Variants in PDE10A observed in about 807,000 individuals in gnomAD.
PDE10A encodes the protein phosphodiesterase 10A.
A neutral mutation model predicts 97.7 loss-of-function variants in PDE10A; 39 were observed. The observed-to-expected ratio is 0.40, with a 90% CI of 0.31 to 0.52. The LOEUF (loss-of-function observed/expected upper bound fraction) is 0.52. Ranked by LOEUF, PDE10A falls within the 20% of genes least tolerant of loss-of-function variation. The probability of loss-of-function intolerance (pLI) is 0.56; values close to 1 mark genes in which losing one functional copy is unlikely to be tolerated. For missense variants in PDE10A, 731 were observed against 1,047.8 expected (o/e 0.70, Z 4.17); for synonymous variants, 371 against 376.8 (o/e 0.98, Z 0.18).
chr6:165,848,613 T>G (rs1328303436), intron 1 of PDE10A, among the ~76,000 whole-genome samples: 1 of 151,406 alleles, frequency 6.6e-6, no homozygotes, highest in Non-Finnish European at 1.5e-5. Flanking sequence ...TGGGGGAGGG[T>G]GGTGATGCTC....
chr6:165,501,777 CT>C (rs1224669212), intron 2 of PDE10A, among the ~76,000 whole-genome samples: 1 of 152,152 alleles, frequency 6.6e-6, no homozygotes, highest in East Asian at 1.9e-4. Flanking sequence ...TCTCAACGGC[CT>C]TCTGTCGAAC....
At position 165,542,612 on chromosome 6, in the gene PDE10A, C is replaced by CTTTTTTTTTTTT. The variant is rs545149187; in HGVS notation, c.994+816_994+827dup. Among the ~76,000 whole-genome samples the CTTTTTTTTTTTT allele has an allele frequency of 4.8e-4, 37 of 76,448 alleles. 1 individual carries two copies. The highest frequency in any genetic ancestry group is 1.5e-3 in the African/African-American group (32 of 21,798). 50.2% of individuals were successfully genotyped at this position (76,448 alleles called of 152,430 possible). A position where few individuals can be genotyped will look rare whatever the true frequency, so the allele number is the denominator to read the frequency against. On this transcript the variant is annotated intron_variant, in intron 2 of 21. Coordinates refer to ENST00000539869, the MANE Select transcript of PDE10A (RefSeq NM_001385079.1). ...TTTAGGTCAAAAAGATGTCCTTGTTCTTTTTTTTTTTTTTTTTTTTTTTTT... is the reference window on the plus strand; with the variant it reads ...TTTAGGTCAAAAAGATGTCCTTGTTCTTTTTTTTTTTTTTTTTTTTTTTTTTTTTTTTTTTTT...
chr6:165,877,006 T>C (rs1781361366), intron 1 of PDE10A, among the ~76,000 whole-genome samples: 1 of 152,222 alleles, frequency 6.6e-6, no homozygotes, highest in South Asian at 2.1e-4. Flanking sequence ...AATTTATATT[T>C]GAAGTATCTG....
At chr6:165,910,208 C>T (rs919589668) in intron 1 of PDE10A, among the ~76,000 whole-genome samples, 6 of 152,016 alleles carry the variant, frequency 3.9e-5, no homozygotes, top group African/African-American at 7.2e-5. Flanking sequence ...GAGATGGGGC[C>T]GACCAGTGTT....
At chr6:165,632,194 C>T (rs1464298862) in intron 1 of PDE10A, among the ~76,000 whole-genome samples, 1 of 101,200 alleles carries the variant, frequency 9.9e-6, no homozygotes. Context: ...GAGGGAGAGT[C>T]CATCTCAAAA....
At chr6:165,372,501 C>T (rs1445352739) in intron 18 of PDE10A, among the ~76,000 whole-genome samples, 6 of 128,736 alleles carry the variant, frequency 4.7e-5, no homozygotes, top group African/African-American at 2.0e-4. Flanking sequence ...GAATAAAATA[C>T]CTAGGAATCC....
intron 5 of PDE10A, among the ~76,000 whole-genome samples, chr6:165,448,709 A>AACACACACACACAC (rs10645551): frequency 2.7e-4 from 40 of 147,486 alleles, no homozygotes; most frequent in African/African-American, 9.5e-4. Context: ...AGCCAAAGGA[A>AACACACACACACAC]ACACACACAC....
In PDE10A at chr6:165,385,747, T is replaced by G. The variant is rs56230902; in HGVS notation, c.2610+2551A>C. Reference sequence around the variant, plus strand: ...TTCCGAAGAGGAAGACACTCTTCCCTGAATGTTCCTGCCCATGTAGATTGG... The same window carrying G: ...TTCCGAAGAGGAAGACACTCTTCCCGGAATGTTCCTGCCCATGTAGATTGG... On this transcript the variant is annotated intron_variant, in intron 17 of 21. Transcript: ENST00000539869. Among the ~76,000 whole-genome samples, 1,277 of 152,340 alleles carry G rather than the reference T, an allele frequency of 8.4e-3. 11 individuals are homozygous for G. Among genetic ancestry groups the G allele is most frequent in the Middle Eastern group, 0.014 (4 of 294 alleles).
At chr6:165,411,952 A>C (rs1787880835) in intron 13 of PDE10A, among the ~76,000 whole-genome samples, 1 of 152,162 alleles carries the variant, frequency 6.6e-6, no homozygotes, top group African/African-American at 2.4e-5. Context: ...AGTTTCATTT[A>C]ACAGTAAGAA....
At chr6:165,732,213 A>G (rs1792455615) in intron 1 of PDE10A, among the ~76,000 whole-genome samples, 1 of 152,220 alleles carries the variant, frequency 6.6e-6, no homozygotes, top group African/African-American at 2.4e-5. Flanking sequence ...CTTTGTTTCA[A>G]TGCTTTTCCA....
intron 1 of PDE10A, among the ~76,000 whole-genome samples, chr6:165,959,876 T>G (rs1249396952): frequency 1.3e-5 from 2 of 151,798 alleles, no homozygotes; most frequent in African/African-American, 4.8e-5. Flanking sequence ...CACCATGACC[T>G]CTCCCCACTT....
rs1348561138 is a variant in PDE10A, at chr6:165,758,533, GGAAGAGGAAGAGGAAGAA to G, written c.-614-214983_-614-214966del. Among the ~76,000 whole-genome samples the G allele has an allele frequency of 6.3e-3, 514 of 81,444 alleles. 3 individuals are homozygous for G. Among genetic ancestry groups the G allele is most frequent in the Middle Eastern group, 0.019 (2 of 106 alleles). The allele number at this position is 81,444 out of a possible 152,430, so 53.4% of individuals were successfully genotyped here. On this transcript the variant is annotated intron_variant, in intron 1 of 19. Coordinates refer to the PDE10A transcript ENST00000366882. Reference sequence around the variant, plus strand: ...AGAAAGAAGAAGAAGAAGAAGAAGAGGAAGAGGAAGAGGAAGAAGAAGAGGAAGAGGAAGAAGAAGAGG... The same window carrying G: ...AGAAAGAAGAAGAAGAAGAAGAAGAGGAAGAGGAAGAGGAAGAAGAAGAGG...
At chr6:165,640,821 GAAT>G (rs546551462) in intron 1 of PDE10A, among the ~76,000 whole-genome samples, 55 of 152,342 alleles carry the variant, frequency 3.6e-4, no homozygotes, top group African/African-American at 1.3e-3. Context: ...AATTGGCCAA[GAAT>G]AATATAACTC....
At chr6:165,506,936 C>G (rs906723695) in intron 2 of PDE10A, among the ~76,000 whole-genome samples, 1 of 152,090 alleles carries the variant, frequency 6.6e-6, no homozygotes, top group Non-Finnish European at 1.5e-5. Context: ...TGTTTTTCTT[C>G]TAATCAGTAA....
Position 165,737,399 on chromosome 6 carries a change from C to T in PDE10A, c.-614-193831G>A, listed in dbSNP as rs546105172. On this transcript the variant is annotated intron_variant, in intron 1 of 19. Transcript: ENST00000366882. ...ATGTGCAAAAATCCTTGACAAGATACTAGGAAACCAAAATTAGTAGCACAT... is the reference window on the plus strand; with the variant it reads ...ATGTGCAAAAATCCTTGACAAGATATTAGGAAACCAAAATTAGTAGCACAT... 4.6e-5 allele frequency among the ~76,000 whole-genome samples: 7 copies of T among 152,252 alleles called. No individual in the cohort carries two copies. The East Asian group carries it at 1.3e-3, about 29-fold the overall frequency.
At chr6:165,796,118 C>T (rs1258528086) in intron 1 of PDE10A, among the ~76,000 whole-genome samples, 2 of 99,534 alleles carry the variant, frequency 2.0e-5, no homozygotes, top group Middle Eastern at 8.2e-3. Flanking sequence ...TTTTTTGAGA[C>T]GGAGTCTTGA....
intron 1 of PDE10A, among the ~76,000 whole-genome samples, chr6:165,983,004 A>G (rs1785066035): frequency 6.6e-6 from 1 of 152,170 alleles, no homozygotes; most frequent in Admixed American, 6.5e-5. Context: ...TATAGACTGC[A>G]CACATGTTGG....
intron 1 of PDE10A, among the ~76,000 whole-genome samples, chr6:165,968,828 A>G (rs879764128): frequency 6.6e-6 from 1 of 152,214 alleles, no homozygotes; most frequent in Non-Finnish European, 1.5e-5. Context: ...AAAGACAGAG[A>G]AGGCAGAAGG....
At chr6:165,467,598 A>G (rs1778733331) in intron 3 of PDE10A, among the ~76,000 whole-genome samples, 1 of 152,214 alleles carries the variant, frequency 6.6e-6, no homozygotes, top group South Asian at 2.1e-4. Context: ...TTTGCTGAAC[A>G]TTTTAAGCCC....
Sources: gnomAD v4.1 joint callset for allele counts (sites outside exome capture counted in the v4.1 genomes callset) on GRCh38, gnomAD v4.1.1 for gene constraint, MANE v1.5 for transcripts, NCBI Gene and HGNC (gene_info 2026-07-23, HGNC 2026-07-21) for gene names.